CEP72: variants seen among roughly 807,000 people sequenced by gnomAD.
CEP72 encodes centrosomal protein of 72 kDa.
In CEP72, 78 loss-of-function variants were observed where a neutral mutation model predicts 65.7. The ratio of observed to expected loss-of-function variants is 1.19; its 90% confidence interval spans 0.99 to 1.43. CEP72 has a LOEUF of 1.43. Ranked by LOEUF, CEP72 falls within the 40% of genes most tolerant of loss-of-function variation. The probability of loss-of-function intolerance (pLI) is 0.00; values close to 1 mark genes in which losing one functional copy is unlikely to be tolerated. For missense variants in CEP72, 914 were observed against 832.9 expected (o/e 1.10, Z -1.20); for synonymous variants, 358 against 351.7 (o/e 1.02, Z -0.20).
rs201789250 is a variant in CEP72 at position 633,933 on chromosome 5, C to T, written c.677C>T (p.Ser226Phe). The change falls in exon 5 of 12, where the codon TCT (serine) becomes TTT (phenylalanine). Residue 226 changes from serine (S) to phenylalanine (F), a missense_variant. Physicochemically the swap from Ser to Phe is radical, Grantham distance 155. Coordinates refer to ENST00000264935, the MANE Select transcript of CEP72 (RefSeq NM_018140.4). ...AGCCAGAAGGGGCGTGAGGCCGACT[C>T]TCGTGGTTCCCAAGGTGCGCTGCTC... is the stretch of plus-strand genomic sequence containing the variant. ...SFSQKGREAD[S>F]RGSQESRHLL... is the part of the protein sequence containing the mutation. 6.2e-7 allele frequency: 1 copy of T among 1,611,882 alleles called. No individual in the cohort carries two copies. Among genetic ancestry groups the T allele is most frequent in the Non-Finnish European group, 8.5e-7 (1 of 1,180,020 alleles).
At chr5:654,408 C>G (rs1020502963), downstream of CEP72, among the ~76,000 whole-genome samples, 9 of 123,776 alleles carry the variant, frequency 7.3e-5, no homozygotes, top group African/African-American at 2.8e-4. Context: ...TATGTGTGTG[C>G]TTGTGTGCTA....
At chr5:648,697 G>A (rs149652737) in intron 11 of CEP72, among the ~76,000 whole-genome samples, 6,833 of 114,486 alleles carry the variant, frequency 0.06, 522 homozygotes, top group Non-Finnish European at 0.094. Flanking sequence ...ACTGTGAGGC[G>A]TGAATGTGAG....
chr5:624,411 G>C lies in CEP72; in HGVS notation c.404-60G>C, dbSNP rs1270392041. ...ACCCTGCCCCGTGTAGATGCCCCAG[G>C]GTGGATGCAGCCGCCCGCCGCTTGC... is the stretch of plus-strand genomic sequence containing the variant. On this transcript the variant is annotated intron_variant, in intron 3 of 11. Transcript: ENST00000264935. The surrounding 1 kb of genome is among the most constrained non-coding windows in gnomAD (Gnocchi z 4.7). 6 of 1,233,666 alleles carry C rather than the reference G, an allele frequency of 4.9e-6. No individual in the cohort carries two copies. The Admixed American group carries it at 1.0e-4, about 21-fold the overall frequency. 76.4% of individuals were successfully genotyped at this position (1,233,666 alleles called of 1,614,324 possible). A position where few individuals can be genotyped will look rare whatever the true frequency, so the allele number is the denominator to read the frequency against.
the CEP72 span, among the ~76,000 whole-genome samples, chr5:672,391 C>T: frequency 5.4e-4 from 82 of 152,358 alleles, no homozygotes; most frequent in African/African-American, 1.8e-3. Flanking sequence ...CTATAGGAAA[C>T]GTCAGTGCAT....
chr5:649,583 G>A (rs111217364), intron 11 of CEP72, among the ~76,000 whole-genome samples: 154 of 70,042 alleles, frequency 2.2e-3, no homozygotes, highest in Non-Finnish European at 3.4e-3. Flanking sequence ...ACTGTGAGGC[G>A]TGACTGAGGC....
intron 11 of CEP72, among the ~76,000 whole-genome samples, chr5:649,263 T>C (rs1158181253): frequency 6.4e-5 from 5 of 77,574 alleles, no homozygotes; most frequent in Non-Finnish European, 9.5e-5. Context: ...GACTGTGAGG[T>C]GTGACTGTGA....
At chr5:668,621 C>G (rs573100177), downstream of CEP72, among the ~76,000 whole-genome samples, 1 of 152,266 alleles carries the variant, frequency 6.6e-6, no homozygotes, top group African/African-American at 2.4e-5. Flanking sequence ...CCGAGCAACG[C>G]GGCAGAGCCA....
chr5:628,485 C>T (rs34964025), intron 4 of CEP72, among the ~76,000 whole-genome samples: 9 of 61,974 alleles, frequency 1.5e-4, no homozygotes, highest in African/African-American at 4.0e-4. Context: ...CTCAGGTTGC[C>T]GTCCCTGGGG....
chr5:634,035 C>T, intron 5 of CEP72, 88 bp downstream of exon 5: 2 of 1,256,048 alleles, frequency 1.6e-6, no homozygotes, highest in Non-Finnish European at 2.2e-6. Context: ...CACAGTTGCT[C>T]TTTTTGTGGA....
downstream of CEP72, among the ~76,000 whole-genome samples, chr5:667,418 AACTC>A (rs1394693124): frequency 2.6e-5 from 4 of 152,172 alleles, no homozygotes. Context: ...ATACAAAACT[AACTC>A]AAAATAGATG....
rs970351663 is a variant in CEP72, at chr5:652,114, G to T, written c.1779-874G>T. Reference sequence around the variant, plus strand: ...GGTGCAGTGCCCAGTCGTGGGCAGGGCCATGTGACTCCCTGGAACCTGGTG... The same window carrying T: ...GGTGCAGTGCCCAGTCGTGGGCAGGTCCATGTGACTCCCTGGAACCTGGTG... On this transcript the variant is annotated intron_variant, in intron 11 of 11. Coordinates refer to ENST00000264935, the MANE Select transcript of CEP72 (RefSeq NM_018140.4). Among the ~76,000 whole-genome samples, 4 of 152,328 alleles carry T rather than the reference G, an allele frequency of 2.6e-5. No homozygotes were observed. The East Asian group carries it at 5.8e-4, about 22-fold the overall frequency.
rs1738333992 is a variant in CEP72 at position 645,211 on chromosome 5, T to A, written c.1666+786T>A. On this transcript the variant is annotated intron_variant, in intron 10 of 11. Coordinates refer to ENST00000264935, the MANE Select transcript of CEP72 (RefSeq NM_018140.4). This position sits in a 1 kb window ranked among gnomAD's most constrained non-coding sequence, Gnocchi z 4.0. Reference sequence around the variant, plus strand: ...GTCTGTCCCAACCAGCGGTGGCCTTTGCGGCAGGGAGGCAGCTGTGGATGA... The same window carrying A: ...GTCTGTCCCAACCAGCGGTGGCCTTAGCGGCAGGGAGGCAGCTGTGGATGA... Among the ~76,000 whole-genome samples, 1 of 152,148 alleles carries A rather than the reference T, an allele frequency of 6.6e-6. No homozygotes were observed. Among genetic ancestry groups the A allele is most frequent in the African/African-American group, 2.4e-5 (1 of 41,428 alleles).
chr5:616,122 C>T (rs973507662), intron 1 of CEP72, among the ~76,000 whole-genome samples: 6 of 152,234 alleles, frequency 3.9e-5, no homozygotes, highest in African/African-American at 1.4e-4. Context: ...CTTCATTCCA[C>T]GATGCTCTAG....
chr5:615,749 C>T (rs1735951951), intron 1 of CEP72, among the ~76,000 whole-genome samples: 1 of 152,034 alleles, frequency 6.6e-6, no homozygotes, highest in Non-Finnish European at 1.5e-5. Context: ...TTCTGTTTCC[C>T]TTTTCCTGCC....
At chr5:644,570 G>A in intron 10 of CEP72, 145 bp downstream of exon 10, 1 of 959,388 alleles carries the variant, frequency 1.0e-6, no homozygotes, top group Non-Finnish European at 1.6e-6. Context: ...TGCCTCACTG[G>A]CTGGGGTGGA....
At chr5:649,871 T>G (rs113887442) in intron 11 of CEP72, among the ~76,000 whole-genome samples, 6 of 55,172 alleles carry the variant, frequency 1.1e-4, no homozygotes, top group Admixed American at 2.1e-4. Flanking sequence ...GTGACTGAGG[T>G]GTGGACTGTG....
At chr5:628,417 CAGG>C (rs1561036433) in intron 4 of CEP72, among the ~76,000 whole-genome samples, 2 of 149,556 alleles carry the variant, frequency 1.3e-5, no homozygotes, top group African/African-American at 4.9e-5. Context: ...ACTCAGGTCA[CAGG>C]CCCCGGGGAT....
At chr5:665,238 G>T in exon 3 of CEP72, 1 of 1,613,856 alleles carries the variant, frequency 6.2e-7, no homozygotes, top group Non-Finnish European at 8.5e-7. Flanking sequence ...CTCCTTGTGG[G>T]AGCCCGTGAA....
At chr5:675,305 TGGGAGGTA>T in the CEP72 span, among the ~76,000 whole-genome samples, 1 of 44,766 alleles carries the variant, frequency 2.2e-5, no homozygotes, top group African/African-American at 1.0e-4. Flanking sequence ...GGGTGCAGCG[TGGGAGGTA>T]CAGTGTGGCC....
Sources: gnomAD v4.1 joint callset for allele counts (sites outside exome capture counted in the v4.1 genomes callset) on GRCh38, gnomAD v4.1.1 for gene constraint, Gnocchi (gnomAD v3.1) non-coding constraint, MANE v1.5 for transcripts, NCBI Gene and HGNC (gene_info 2026-07-23, HGNC 2026-07-21) for gene names.